The following QKI variants were observed in gnomAD, a reference collection of about 807,000 sequenced individuals.
The protein encoded by QKI is KH domain-containing RNA-binding protein QKI.
QKI carries 10 observed loss-of-function variants against 39.0 expected under a neutral mutation model. That is an observed-to-expected ratio of 0.26 (90% CI 0.16 to 0.43). The LOEUF (loss-of-function observed/expected upper bound fraction) is 0.43, where lower values mean the gene tolerates loss of function less well. QKI is among the 20% of genes least tolerant of loss of function. The pLI is 1.00. For synonymous variants in QKI, 204 were observed against 155.4 expected, an observed-to-expected ratio of 1.31 and a Z score of -2.33; for missense variants, 218 against 428.0, an observed-to-expected ratio of 0.51 and a Z score of 4.33.
intron 4 of QKI, among the ~76,000 whole-genome samples, chr6:163,560,239 G>C (rs1782911122): frequency 6.6e-6 from 1 of 152,144 alleles, no homozygotes; most frequent in African/African-American, 2.4e-5. Flanking sequence ...GTAATTTGAA[G>C]TAGAAGCAAT....
At chr6:163,498,916 A>G (rs544521683) in intron 3 of QKI, among the ~76,000 whole-genome samples, 1 of 152,248 alleles carries the variant, frequency 6.6e-6, no homozygotes, top group African/African-American at 2.4e-5. Flanking sequence ...ATATTTGCAT[A>G]TATACAATGA....
intron 1 of QKI, among the ~76,000 whole-genome samples, chr6:163,432,390 TC>T (rs1179323449): frequency 9.7e-5 from 14 of 143,938 alleles, no homozygotes; most frequent in East Asian, 4.0e-4. Flanking sequence ...TAATTTAAAA[TC>T]CCCCCCCTTT....
At position 163,571,738 on chromosome 6, in the gene QKI, C is replaced by T. The variant is rs1188569488; in HGVS notation, c.*1028C>T. On this transcript the variant is annotated 3_prime_UTR_variant, in exon 8 of 8. Transcript: ENST00000361752. Reference sequence around the variant, plus strand: ...GTGTTATAAAAAAAAAGAAAAAGAACAAAGAAACCCTTTATTTCATTAAAT... The same window carrying T: ...GTGTTATAAAAAAAAAGAAAAAGAATAAAGAAACCCTTTATTTCATTAAAT... 6.6e-6 allele frequency: 1 copy of T among 150,778 alleles called. No individual in the cohort carries two copies. The highest frequency in any genetic ancestry group is 1.5e-5 in the Non-Finnish European group (1 of 67,714). The allele number at this position is 150,778 out of a possible 1,614,324, so 9.3% of individuals were successfully genotyped here.
chr6:163,508,504 TTTTCTTTCTTTCTTTC>T lies in QKI; in HGVS notation c.403-26462_403-26447del, dbSNP rs142900512. ...AGTAAAATATCTTTTTTTCTTTTTC[TTTTCTTTCTTTCTTTC>T]TTTCTTTCTTTCTTTTTTTTTTTTT... On this transcript the variant is annotated intron_variant, in intron 3 of 7. Transcript: ENST00000361752. Among the ~76,000 whole-genome samples, 39 of 141,052 alleles carry T rather than the reference TTTTCTTTCTTTCTTTC, an allele frequency of 2.8e-4. 2 individuals are homozygous for T. Among genetic ancestry groups the T allele is most frequent in the African/African-American group, 9.9e-4 (37 of 37,282 alleles). 92.5% of individuals were successfully genotyped at this position (141,052 alleles called of 152,430 possible).
intron 4 of QKI, among the ~76,000 whole-genome samples, chr6:163,540,761 T>G (rs1781455989): frequency 6.6e-6 from 1 of 152,142 alleles, no homozygotes; most frequent in African/African-American, 2.4e-5. Flanking sequence ...GATGATCAGT[T>G]TACTTTATTC....
chr6:163,545,420 A>G (rs996137324), intron 4 of QKI, among the ~76,000 whole-genome samples: 2 of 152,134 alleles, frequency 1.3e-5, no homozygotes, highest in African/African-American at 2.4e-5. Context: ...TTGCCAAGGT[A>G]TAGGTTTTAA....
chr6:163,502,906 T>A (rs1046330487), intron 3 of QKI, among the ~76,000 whole-genome samples: 2 of 152,114 alleles, frequency 1.3e-5, no homozygotes, highest in Admixed American at 1.3e-4. Flanking sequence ...AGTTCTGAGT[T>A]CTTTGAGAAA....
At chr6:163,415,795 G>A in intron 1 of QKI, 1 of 428,376 alleles carries the variant, frequency 2.3e-6, no homozygotes, top group Non-Finnish European at 4.7e-6. Context: ...GCTCTGCGCG[G>A]ACCCCCACCG....
At chr6:163,462,680 T>C (rs756907312) in intron 2 of QKI, among the ~76,000 whole-genome samples, 3 of 152,166 alleles carry the variant, frequency 2.0e-5, no homozygotes, top group Non-Finnish European at 4.4e-5. Context: ...AGCAAAATTT[T>C]GGTATCATTT....
intron 1 of QKI, among the ~76,000 whole-genome samples, chr6:163,428,551 C>T (rs1788583849): frequency 6.6e-6 from 1 of 151,994 alleles, no homozygotes; most frequent in South Asian, 2.1e-4. Flanking sequence ...AAAAGATAGT[C>T]TTATCTCACT....
At chr6:163,518,498 A>AC (rs1779964943) in intron 3 of QKI, among the ~76,000 whole-genome samples, 1 of 152,106 alleles carries the variant, frequency 6.6e-6, no homozygotes, top group African/African-American at 2.4e-5. Context: ...AGAGCCACAG[A>AC]CTCATTTCTA....
intron 3 of QKI, among the ~76,000 whole-genome samples, chr6:163,493,781 A>T (rs1193512063): frequency 6.6e-6 from 1 of 152,222 alleles, no homozygotes; most frequent in Non-Finnish European, 1.5e-5. Flanking sequence ...TGAAATTGTA[A>T]GCTCCCTCAG....
chr6:163,557,953 G>C (rs558255756), intron 4 of QKI, among the ~76,000 whole-genome samples: 1 of 152,200 alleles, frequency 6.6e-6, no homozygotes, highest in Non-Finnish European at 1.5e-5. Context: ...GAAGCTATGA[G>C]ATTGCGGATA....
intron 4 of QKI, among the ~76,000 whole-genome samples, chr6:163,561,661 ATATGT>A (rs1464536297): frequency 6.6e-6 from 1 of 152,154 alleles, no homozygotes; most frequent in African/African-American, 2.4e-5. Flanking sequence ...GCTGAAGAGA[ATATGT>A]TATGTTTAGT....
At chr6:163,532,026 A>G (rs960983169) in intron 3 of QKI, among the ~76,000 whole-genome samples, 2 of 152,252 alleles carry the variant, frequency 1.3e-5, no homozygotes, top group African/African-American at 4.8e-5. Flanking sequence ...TAGTAAGAGT[A>G]CGCATTGGCC....
At chr6:163,484,674 C>A (rs1562478278) in intron 3 of QKI, among the ~76,000 whole-genome samples, 1 of 152,212 alleles carries the variant, frequency 6.6e-6, no homozygotes, top group Non-Finnish European at 1.5e-5. Context: ...ATGTAATCTT[C>A]TTCCATTAGC....
chr6:163,570,883 C>A lies in QKI; in HGVS notation c.*173C>A. 1 of 897,208 alleles carries A rather than the reference C, an allele frequency of 1.1e-6. No individual in the cohort carries two copies. The highest frequency in any genetic ancestry group is 1.6e-6 in the Non-Finnish European group (1 of 618,464). The allele number at this position is 897,208 out of a possible 1,614,324, so 55.6% of individuals were successfully genotyped here. A position where few individuals can be genotyped will look rare whatever the true frequency, so the allele number is the denominator to read the frequency against. ...AACAAAAGACAAAGAAATTGTTGTC[C>A]TCCAACTCAGCTTTTTTTTTTTTTT... On this transcript the variant is annotated 3_prime_UTR_variant, in exon 8 of 8. Transcript: ENST00000361752.
intron 1 of QKI, among the ~76,000 whole-genome samples, chr6:163,420,154 C>CTTTT (rs35131240): frequency 8.2e-5 from 5 of 60,828 alleles, no homozygotes; most frequent in African/African-American, 2.2e-4. Flanking sequence ...CTTTTCTTTT[C>CTTTT]TTTTTTTTTT....
chr6:163,465,939 CATG>C (rs1162780374), intron 2 of QKI, among the ~76,000 whole-genome samples: 1 of 151,856 alleles, frequency 6.6e-6, no homozygotes, highest in Non-Finnish European at 1.5e-5. Flanking sequence ...GCCTGGCCAA[CATG>C]GTGAAACCCT....
Sources: allele counts gnomAD v4.1 joint callset (sites outside exome capture counted in the v4.1 genomes callset), GRCh38; gene constraint gnomAD v4.1.1; transcripts MANE v1.5; gene names NCBI Gene and HGNC (gene_info 2026-07-23, HGNC 2026-07-21).